WDR19: variants seen among roughly 807,000 people sequenced by gnomAD.
The protein encoded by WDR19 is WD repeat domain 19, also known as WD repeat-containing protein 19.
In WDR19, 121 loss-of-function variants were observed where a neutral mutation model predicts 180.0. The ratio of observed to expected loss-of-function variants is 0.67; its 90% CI spans 0.58 to 0.78. The LOEUF is 0.78. Among genes scored for constraint, WDR19 ranks in the 30% least tolerant of loss-of-function variants. The probability of loss-of-function intolerance (pLI) is 0.00; values close to 1 mark genes in which losing one functional copy is unlikely to be tolerated. For synonymous variants in WDR19, 497 were observed against 540.7 expected (o/e 0.92, Z 1.12); for missense variants, 1,450 against 1,640.7 (o/e 0.88, Z 2.01).
intron 5 of WDR19, among the ~76,000 whole-genome samples, chr4:39,198,163 AGTTAAACAGTGAAT>A (rs1310429350): frequency 6.6e-6 from 1 of 152,192 alleles, no homozygotes; most frequent in African/African-American, 2.4e-5. Flanking sequence ...ATACCTGAAC[AGTTAAACAGTGAAT>A]GTTAAATCTG....
chr4:39,194,531 C>T lies in WDR19; in HGVS notation c.291-13C>T, dbSNP rs1560478986. 6.4e-6 allele frequency: 10 copies of T among 1,559,744 alleles called. No homozygotes were observed. The South Asian group carries it at 1.1e-4, about 18-fold the overall frequency. On this transcript the variant is annotated splice_polypyrimidine_tract_variant and intron_variant, in intron 4 of 36. Transcript: ENST00000399820. The stretch of plus-strand genomic sequence containing the variant: ...TCGTGAATTGTTTAGTAATTTATAT[C>T]TTAATGTTACAGGGATCAAATGTCT...
At chr4:39,182,942 C>A (rs1019213224) in intron 1 of WDR19, among the ~76,000 whole-genome samples, 1 of 152,160 alleles carries the variant, frequency 6.6e-6, no homozygotes, top group African/African-American at 2.4e-5. Context: ...TTGACTGGGT[C>A]CGATGTCACG....
chr4:39,258,725 C>T (rs1344730785), intron 28 of WDR19, among the ~76,000 whole-genome samples: 1 of 152,124 alleles, frequency 6.6e-6, no homozygotes, highest in Non-Finnish European at 1.5e-5. Context: ...AAAGGCATGG[C>T]TTGCCTTTTT....
intron 4 of WDR19, among the ~76,000 whole-genome samples, chr4:39,193,672 T>G (rs535065147): frequency 9.8e-5 from 15 of 152,348 alleles, no homozygotes; most frequent in African/African-American, 3.4e-4. Flanking sequence ...TCTTTTGTCC[T>G]TTTATCACTG....
intron 28 of WDR19, among the ~76,000 whole-genome samples, chr4:39,258,406 CTCCCAAAGTGCTGGGA>C (rs371699451): frequency 3.9e-5 from 6 of 152,232 alleles, no homozygotes; most frequent in Non-Finnish European, 7.4e-5. Context: ...CCACGTCAGC[CTCCCAAAGTGCTGGGA>C]TTACAGGTGT....
intron 9 of WDR19, among the ~76,000 whole-genome samples, chr4:39,212,641 A>G (rs1036627456): frequency 1.3e-5 from 2 of 152,128 alleles, no homozygotes; most frequent in African/African-American, 4.8e-5. Context: ...ATAAATAAAC[A>G]AATAAATAAG....
At chr4:39,261,741 T>C (rs575961116) in intron 28 of WDR19, among the ~76,000 whole-genome samples, 4 of 152,234 alleles carry the variant, frequency 2.6e-5, no homozygotes, top group Admixed American at 6.5e-5. Context: ...AAATTATGGA[T>C]GTCCCTTGCA....
intron 28 of WDR19, among the ~76,000 whole-genome samples, chr4:39,265,770 C>CAAAAAAAA (rs11326526): frequency 1.2e-5 from 1 of 81,084 alleles, no homozygotes. Context: ...GACTCTGTCT[C>CAAAAAAAA]AAAAAAAAAA....
intron 36 of WDR19, among the ~76,000 whole-genome samples, chr4:39,283,380 T>C (rs1409683876): frequency 8.0e-6 from 1 of 124,610 alleles, no homozygotes; most frequent in African/African-American, 3.8e-5. Flanking sequence ...GTCTACAATT[T>C]TCCTCTGTTG....
chr4:39,251,703 A>G (rs7674193), intron 24 of WDR19, among the ~76,000 whole-genome samples: 68,523 of 150,998 alleles, frequency 0.45, 18,331 homozygotes, highest in East Asian at 0.62. Flanking sequence ...TGAAGGATAT[A>G]AACAGACACT....
intron 21 of WDR19, among the ~76,000 whole-genome samples, chr4:39,243,370 A>C (rs1024308771): frequency 9.2e-5 from 14 of 152,144 alleles, no homozygotes; most frequent in African/African-American, 3.1e-4. Flanking sequence ...AAAAAAATAT[A>C]TTTTATTTTA....
At chr4:39,211,983 G>GATAGAT (rs1407382781) in intron 9 of WDR19, among the ~76,000 whole-genome samples, 1 of 144,496 alleles carries the variant, frequency 6.9e-6, no homozygotes, top group African/African-American at 2.6e-5. Flanking sequence ...GAGAGAGAGA[G>GATAGAT]AGATAGATAG....
intron 27 of WDR19, among the ~76,000 whole-genome samples, chr4:39,257,192 G>GA (rs1733845398): frequency 6.6e-6 from 1 of 152,158 alleles, no homozygotes; most frequent in East Asian, 1.9e-4. Flanking sequence ...GTAACTATTT[G>GA]TTGAAAGAAT....
At chr4:39,214,758 G>A (rs575901521) in intron 10 of WDR19, 87 bp downstream of exon 10, 72 of 805,220 alleles carry the variant, frequency 8.9e-5, no homozygotes, top group Admixed American at 2.1e-4. Flanking sequence ...ATTTGCATTC[G>A]TTGTAGGAGG....
chr4:39,257,656 A>G (rs930136401), intron 28 of WDR19, 102 bp downstream of exon 28: 53 of 1,041,114 alleles, frequency 5.1e-5, no homozygotes, highest in Non-Finnish European at 6.6e-5. Flanking sequence ...CAGTATTACA[A>G]ACCCCTACAT....
chr4:39,238,017 C>A (rs995875452), intron 20 of WDR19: 1 of 152,190 alleles, frequency 6.6e-6, no homozygotes, highest in African/African-American at 2.4e-5. Context: ...TTGTTTCTAA[C>A]CCTTTCTGCT....
chr4:39,196,747 G>T (rs1298354372), intron 5 of WDR19, among the ~76,000 whole-genome samples: 1 of 152,142 alleles, frequency 6.6e-6, no homozygotes, highest in African/African-American at 2.4e-5. Flanking sequence ...AAAGCAAAAG[G>T]CCTTAAAATG....
At chr4:39,247,785 G>A (rs936598721) in intron 24 of WDR19, among the ~76,000 whole-genome samples, 1 of 151,538 alleles carries the variant, frequency 6.6e-6, no homozygotes, top group Admixed American at 6.6e-5. Context: ...GAAATGAAGT[G>A]TGAAGAGAAG....
intron 19 of WDR19, 56 bp from the exon 20 acceptor site, chr4:39,234,710 T>TAA (rs1731205482): frequency 3.5e-6 from 4 of 1,153,442 alleles, no homozygotes; most frequent in Middle Eastern, 1.9e-4. Flanking sequence ...CTCTTTGTGG[T>TAA]AACTTTGCAA....
Sources: allele counts gnomAD v4.1 joint callset (sites outside exome capture counted in the v4.1 genomes callset), GRCh38; gene constraint gnomAD v4.1.1; transcripts MANE v1.5; gene names NCBI Gene and HGNC (gene_info 2026-07-23, HGNC 2026-07-21).